SLC24A2: variants seen among roughly 807,000 people sequenced by gnomAD.
SLC24A2 encodes the protein solute carrier family 24 member 2, also known as sodium/potassium/calcium exchanger 2.
In SLC24A2, 36 loss-of-function variants were observed where a neutral mutation model predicts 62.0. The ratio of observed to expected loss-of-function variants is 0.58; its 90% CI spans 0.44 to 0.77. The LOEUF (loss-of-function observed/expected upper bound fraction) is 0.77. Among genes scored for constraint, SLC24A2 ranks in the 30% least tolerant of loss-of-function variants. The pLI is 0.00. For missense variants in SLC24A2, 846 were observed against 817.9 expected (o/e 1.03, Z -0.42); for synonymous variants, 358 against 294.0 (o/e 1.22, Z -2.23).
At chr9:20,054,710 G>C in the SLC24A2 span, among the ~76,000 whole-genome samples, 1 of 152,186 alleles carries the variant, frequency 6.6e-6, no homozygotes, top group Non-Finnish European at 1.5e-5. Context: ...ATAGGGTAAA[G>C]CTGTGTGAAT....
intron 1 of SLC24A2, chr9:19,788,426 G>A (rs952531728): frequency 1.5e-5 from 12 of 824,054 alleles, no homozygotes; most frequent in Admixed American, 6.2e-5. Context: ...AGCTGCCTCC[G>A]TAGGAGAATG....
At chr9:19,695,212 C>T (rs1820153097) in intron 2 of SLC24A2, among the ~76,000 whole-genome samples, 1 of 152,012 alleles carries the variant, frequency 6.6e-6, no homozygotes, top group Non-Finnish European at 1.5e-5. Flanking sequence ...AACAAAACAG[C>T]CCTCACAACA....
chr9:20,306,088 G>A, the SLC24A2 span, among the ~76,000 whole-genome samples: 4 of 152,084 alleles, frequency 2.6e-5, no homozygotes, highest in Admixed American at 2.6e-4. Flanking sequence ...ATTATTCTGA[G>A]GTACTAGGGG....
At chr9:19,677,443 A>G (rs994746168) in intron 2 of SLC24A2, among the ~76,000 whole-genome samples, 1 of 152,224 alleles carries the variant, frequency 6.6e-6, no homozygotes, top group Admixed American at 6.5e-5. Context: ...GGTGGAGGGC[A>G]GAAGGAGGTA....
chr9:19,856,857 T>G, the SLC24A2 span, among the ~76,000 whole-genome samples: 1 of 152,190 alleles, frequency 6.6e-6, no homozygotes, highest in Non-Finnish European at 1.5e-5. Context: ...GAAATCCCCC[T>G]CATCTGGACA....
Position 19,567,174 on chromosome 9 carries a change from G to GA in SLC24A2, c.1347+6176dup, listed in dbSNP as rs55924253. ...AAAAATAAACCTAGAAAAGAATCTG[G>GA]AAAAAAAAAAAAGAAAATCTGCTTT... is the stretch of plus-strand genomic sequence containing the variant. On this transcript the variant is annotated intron_variant, in intron 7 of 10. Coordinates refer to ENST00000341998, the MANE Select transcript of SLC24A2 (RefSeq NM_020344.4). Among the ~76,000 whole-genome samples, 191 of 138,108 alleles carry GA rather than the reference G, an allele frequency of 1.4e-3. 1 individual carries two copies. The highest frequency in any genetic ancestry group is 3.8e-3 in the Middle Eastern group (1 of 262). The allele number at this position is 138,108 out of a possible 152,430, so 90.6% of individuals were successfully genotyped here.
At chr9:20,149,254 G>C in the SLC24A2 span, among the ~76,000 whole-genome samples, 1 of 152,012 alleles carries the variant, frequency 6.6e-6, no homozygotes, top group African/African-American at 2.4e-5. Context: ...CAGTTTGGCC[G>C]TTGGGATTCA....
At chr9:19,651,113 C>G (rs577525013) in intron 2 of SLC24A2, among the ~76,000 whole-genome samples, 3 of 152,168 alleles carry the variant, frequency 2.0e-5, no homozygotes, top group South Asian at 2.1e-4. Flanking sequence ...TAGCACAGAT[C>G]TGAAGCCCCG....
chr9:19,665,468 T>C (rs1251563116), intron 2 of SLC24A2, among the ~76,000 whole-genome samples: 1 of 152,164 alleles, frequency 6.6e-6, no homozygotes, highest in African/African-American at 2.4e-5. Flanking sequence ...ATGATTGATC[T>C]AAACCTAATA....
the SLC24A2 span, among the ~76,000 whole-genome samples, chr9:19,987,769 C>G: frequency 2.0e-5 from 3 of 152,164 alleles, no homozygotes; most frequent in Admixed American, 6.6e-5. Context: ...CTTTTGGCCA[C>G]TTTTATTGCC....
At chr9:20,116,997 C>G in the SLC24A2 span, among the ~76,000 whole-genome samples, 89 of 152,172 alleles carry the variant, frequency 5.8e-4, 2 homozygotes, top group African/African-American at 2.0e-3. Flanking sequence ...TCCACTCAAC[C>G]CCCAGGAAAT....
At chr9:19,749,169 A>C (rs1231043214) in intron 2 of SLC24A2, among the ~76,000 whole-genome samples, 1 of 151,252 alleles carries the variant, frequency 6.6e-6, no homozygotes, top group African/African-American at 2.4e-5. Flanking sequence ...TAAAATAGAC[A>C]ACAAAAAGAT....
the SLC24A2 span, among the ~76,000 whole-genome samples, chr9:20,074,641 A>C: frequency 2.2e-5 from 2 of 92,214 alleles, no homozygotes; most frequent in East Asian, 4.6e-4. Context: ...GAGGGACGGG[A>C]AGGGGGTGAG....
intron 2 of SLC24A2, among the ~76,000 whole-genome samples, chr9:19,630,882 T>C (rs1050042374): frequency 6.6e-6 from 1 of 152,216 alleles, no homozygotes; most frequent in Non-Finnish European, 1.5e-5. Context: ...CTCCTTGATC[T>C]GCTCTTCTTT....
the SLC24A2 span, among the ~76,000 whole-genome samples, chr9:20,146,786 C>T: frequency 2.0e-5 from 3 of 152,066 alleles, no homozygotes; most frequent in South Asian, 2.1e-4. Context: ...AAGAGATACC[C>T]TTGATCTGAG....
intron 7 of SLC24A2, among the ~76,000 whole-genome samples, chr9:19,563,580 T>C (rs571217318): frequency 2.7e-4 from 41 of 152,138 alleles, no homozygotes; most frequent in Non-Finnish European, 5.0e-4. Flanking sequence ...TTGACCAACA[T>C]TTATTACGAA....
At chr9:19,959,128 C>A in the SLC24A2 span, among the ~76,000 whole-genome samples, 1 of 151,998 alleles carries the variant, frequency 6.6e-6, no homozygotes, top group South Asian at 2.1e-4. Context: ...ATGTGAGTAC[C>A]GTAGATTAAG....
chr9:19,761,185 T>C (rs948391216), intron 2 of SLC24A2, among the ~76,000 whole-genome samples: 1 of 152,192 alleles, frequency 6.6e-6, no homozygotes, highest in Non-Finnish European at 1.5e-5. Context: ...AGTAATTAGA[T>C]TGCTGGGTCA....
chr9:19,818,714 A>T, the SLC24A2 span, among the ~76,000 whole-genome samples: 1 of 152,170 alleles, frequency 6.6e-6, no homozygotes. Context: ...AAACAAATGG[A>T]AACACATCCC....
Sources: allele counts gnomAD v4.1 joint callset (sites outside exome capture counted in the v4.1 genomes callset), GRCh38; gene constraint gnomAD v4.1.1; transcripts MANE v1.5; gene names NCBI Gene and HGNC (gene_info 2026-07-23, HGNC 2026-07-21).